CHKA: variants seen among roughly 807,000 people sequenced by gnomAD.
CHKA encodes the protein CHETK-alpha.
In CHKA, 34 loss-of-function variants were observed where a neutral mutation model predicts 60.1. The observed-to-expected ratio is 0.57, with a 90% confidence interval of 0.43 to 0.75. The LOEUF (loss-of-function observed/expected upper bound fraction) is 0.75, where lower values mean the gene tolerates loss of function less well. Among genes scored for constraint, CHKA ranks in the 30% least tolerant of loss-of-function variants. The pLI, the probability that CHKA is intolerant of heterozygous loss-of-function variation, is 0.00. For synonymous variants in CHKA, 217 were observed against 223.1 expected (o/e 0.97, Z 0.24); for missense variants, 563 against 561.3 (o/e 1.00, Z -0.03).
At chr11:68,088,994 T>C (rs553853874) in intron 2 of CHKA, among the ~76,000 whole-genome samples, 78 of 152,378 alleles carry the variant, frequency 5.1e-4, no homozygotes, top group African/African-American at 1.9e-3. Context: ...TAACATTTTA[T>C]GGTAGTCTCT....
intron 6 of CHKA, among the ~76,000 whole-genome samples, chr11:68,069,452 C>T (rs181474408): frequency 9.2e-5 from 14 of 152,050 alleles, no homozygotes; most frequent in Admixed American, 5.2e-4. Context: ...TTTGGGAGGC[C>T]GAGGTGGGCC....
At position 68,059,094 on chromosome 11, in the gene CHKA, C is replaced by T. The variant is rs185317560; in HGVS notation, c.1314+2859G>A. On this transcript the variant is annotated intron_variant, in intron 11 of 11. Transcript: ENST00000265689. ...TATTTTAGTAGAGACGGGGTTTCTCCGTGTTAGTCAGGCTGGTCTCGAACT... is the reference window on the plus strand; with the variant it reads ...TATTTTAGTAGAGACGGGGTTTCTCTGTGTTAGTCAGGCTGGTCTCGAACT... 6.4e-3 allele frequency among the ~76,000 whole-genome samples: 972 copies of T among 152,230 alleles called. 10 individuals are homozygous for T. The highest frequency in any genetic ancestry group is 0.022 in the African/African-American group (909 of 41,552).
At chr11:68,057,112 A>T (rs1298176364) in intron 11 of CHKA, among the ~76,000 whole-genome samples, 1 of 152,160 alleles carries the variant, frequency 6.6e-6, no homozygotes, top group Non-Finnish European at 1.5e-5. Flanking sequence ...TCCACTCCAG[A>T]ACTGATTACT....
intron 3 of CHKA, among the ~76,000 whole-genome samples, chr11:68,075,262 C>A (rs543102389): frequency 1.3e-5 from 2 of 152,140 alleles, no homozygotes; most frequent in East Asian, 3.9e-4. Flanking sequence ...ATCCAAAGGA[C>A]CTTCTGCCTA....
intron 1 of CHKA, among the ~76,000 whole-genome samples, chr11:68,116,219 T>G (rs2153032783): frequency 6.6e-6 from 1 of 152,312 alleles, no homozygotes; most frequent in South Asian, 2.1e-4. Context: ...TCTTGTATCC[T>G]TCACAAGATT....
At position 68,053,836 on chromosome 11, in the gene CHKA, T is replaced by C; in HGVS notation, c.*152A>G. 3.6e-6 allele frequency: 2 copies of C among 560,746 alleles called. No homozygotes were observed. The highest frequency in any genetic ancestry group is 4.9e-5 in the South Asian group (2 of 41,016). 34.7% of individuals were successfully genotyped at this position (560,746 alleles called of 1,614,324 possible). On this transcript the variant is annotated 3_prime_UTR_variant, in exon 12 of 12. Transcript: ENST00000265689. The stretch of plus-strand genomic sequence containing the variant: ...GAGATGAAATAAACGTCGCTCCATT[T>C]TAATACCGTCTTTAGTATCATACAC...
chr11:68,100,065 G>GA (rs1857651978), intron 1 of CHKA, among the ~76,000 whole-genome samples: 1 of 151,976 alleles, frequency 6.6e-6, no homozygotes, highest in African/African-American at 2.4e-5. Context: ...AATTTACCTA[G>GA]AAAAAAAGCC....
rs564050292 is a variant in CHKA at position 68,073,809 on chromosome 11, C to T, written c.630+908G>A. The stretch of plus-strand genomic sequence containing the variant: ...GATGTACAGGGCAGCCCTGGACATG[C>T]CCAGGCCTCTCATGGATAAGATATC... On this transcript the variant is annotated intron_variant, in intron 4 of 11. Transcript: ENST00000265689. Among the ~76,000 whole-genome samples the T allele has an allele frequency of 2.6e-5, 4 of 152,280 alleles. No individual in the cohort carries two copies. In the East Asian group the frequency reaches 5.8e-4, roughly 22 times the overall value.
intron 10 of CHKA, among the ~76,000 whole-genome samples, chr11:68,063,902 TC>T (rs1398802920): frequency 2.6e-5 from 4 of 152,178 alleles, no homozygotes; most frequent in African/African-American, 9.7e-5. Flanking sequence ...TCCTGAGGCC[TC>T]CCTGGCCATG....
At chr11:68,076,054 G>A (rs1856775635) in intron 3 of CHKA, among the ~76,000 whole-genome samples, 1 of 152,166 alleles carries the variant, frequency 6.6e-6, no homozygotes, top group South Asian at 2.1e-4. Context: ...ACTTCCAAAG[G>A]ATATCAGACC....
chr11:68,081,740 A>T, intron 2 of CHKA: 1 of 274,644 alleles, frequency 3.6e-6, no homozygotes, highest in Non-Finnish European at 7.0e-6. Flanking sequence ...TCACAATTTC[A>T]TTGTTAGAGG....
At chr11:68,116,924 T>C (rs1253607348) in intron 1 of CHKA, among the ~76,000 whole-genome samples, 1 of 152,182 alleles carries the variant, frequency 6.6e-6, no homozygotes, top group Non-Finnish European at 1.5e-5. Flanking sequence ...GGATCTCCGT[T>C]CATCACACAG....
At chr11:68,084,512 A>G (rs1209922592) in intron 2 of CHKA, among the ~76,000 whole-genome samples, 5 of 150,018 alleles carry the variant, frequency 3.3e-5, no homozygotes, top group African/African-American at 1.2e-4. Flanking sequence ...TTTGAAGTAG[A>G]TATTAAAATA....
intron 7 of CHKA, among the ~76,000 whole-genome samples, chr11:68,068,260 G>C (rs1454063305): frequency 6.6e-6 from 1 of 152,092 alleles, no homozygotes; most frequent in Non-Finnish European, 1.5e-5. Context: ...GGGGTAGGCA[G>C]TGGATCTTGT....
At chr11:68,102,287 TCA>T (rs1375756096) in intron 1 of CHKA, among the ~76,000 whole-genome samples, 2 of 152,024 alleles carry the variant, frequency 1.3e-5, no homozygotes. Flanking sequence ...GCTAGAGGAA[TCA>T]CACTACCTAA....
At chr11:68,099,727 A>T (rs1288113392) in intron 1 of CHKA, among the ~76,000 whole-genome samples, 1 of 152,240 alleles carries the variant, frequency 6.6e-6, no homozygotes, top group African/African-American at 2.4e-5. Context: ...ACCAAGCAAC[A>T]GAACGGGCAT....
At chr11:68,104,414 A>T (rs1320167117) in intron 1 of CHKA, among the ~76,000 whole-genome samples, 1 of 152,112 alleles carries the variant, frequency 6.6e-6, no homozygotes, top group East Asian at 1.9e-4. Flanking sequence ...CATAAATAGG[A>T]CAATTATTAT....
chr11:68,095,438 C>T (rs1008061595), intron 2 of CHKA, among the ~76,000 whole-genome samples: 10 of 126,760 alleles, frequency 7.9e-5, no homozygotes, highest in African/African-American at 2.4e-4. Flanking sequence ...AAGCCAGGCA[C>T]GGTGGCTCAC....
intron 11 of CHKA, chr11:68,061,616 G>C: frequency 2.4e-6 from 1 of 423,378 alleles, no homozygotes; most frequent in African/African-American, 2.0e-5. Context: ...GTGTCAGAAG[G>C]GACTGAGGTC....
Sources: allele counts gnomAD v4.1 joint callset (sites outside exome capture counted in the v4.1 genomes callset), GRCh38; gene constraint gnomAD v4.1.1; transcripts MANE v1.5; gene names NCBI Gene and HGNC (gene_info 2026-07-23, HGNC 2026-07-21).